The following IPO11 variants were observed in gnomAD, a reference collection of about 807,000 sequenced individuals.
IPO11 encodes the protein importin-11.
A neutral mutation model predicts 143.2 loss-of-function variants in IPO11; 66 were observed. The observed-to-expected ratio is 0.46, with a 90% confidence interval of 0.38 to 0.57. The LOEUF (loss-of-function observed/expected upper bound fraction) is 0.57, where lower values mean the gene tolerates loss of function less well. Ranked by LOEUF, IPO11 falls within the 20% of genes least tolerant of loss-of-function variation. The probability of loss-of-function intolerance (pLI) is 0.00; values close to 1 mark genes in which losing one functional copy is unlikely to be tolerated. For missense variants in IPO11, 1,026 were observed against 1,141.0 expected (o/e 0.90, Z 1.45); for synonymous variants, 385 against 377.8 (o/e 1.02, Z -0.22).
intron 3 of IPO11, among the ~76,000 whole-genome samples, chr5:62,448,052 CT>C (rs913730506): frequency 2.0e-5 from 3 of 151,930 alleles, no homozygotes; most frequent in Non-Finnish European, 4.4e-5. Context: ...TATTTGTCCC[CT>C]TTTTTTTCTT....
chr5:62,627,974 C>A lies in IPO11; in HGVS notation c.*656C>A, dbSNP rs996322851. On this transcript the variant is annotated 3_prime_UTR_variant, in exon 30 of 30. Transcript: ENST00000325324. Reference sequence around the variant, plus strand: ...TTTTTTTCCAGTAAATACATTGGGTCTATAAATGTGCATTTGTAAGGGCCA... The same window carrying A: ...TTTTTTTCCAGTAAATACATTGGGTATATAAATGTGCATTTGTAAGGGCCA... 1 of 151,398 alleles carries A rather than the reference C, an allele frequency of 6.6e-6. No individual in the cohort carries two copies. The highest frequency in any genetic ancestry group is 2.4e-5 in the African/African-American group (1 of 41,110). The allele number at this position is 151,398 out of a possible 1,614,324, so 9.4% of individuals were successfully genotyped here. A position where few individuals can be genotyped will look rare whatever the true frequency, so the allele number is the denominator to read the frequency against.
At chr5:62,547,880 T>A (rs979358492) in intron 24 of IPO11, among the ~76,000 whole-genome samples, 9 of 152,162 alleles carry the variant, frequency 5.9e-5, no homozygotes, top group Middle Eastern at 3.4e-3. Context: ...TAGTTTAGAG[T>A]CAACTAGATA....
At chr5:62,499,323 G>A (rs1353348015) in intron 16 of IPO11, among the ~76,000 whole-genome samples, 2 of 152,152 alleles carry the variant, frequency 1.3e-5, no homozygotes, top group African/African-American at 4.8e-5. Flanking sequence ...AACAGAAAAG[G>A]TACAGTAAGA....
At chr5:62,513,867 T>A (rs2112281422) in intron 19 of IPO11, among the ~76,000 whole-genome samples, 1 of 146,408 alleles carries the variant, frequency 6.8e-6, no homozygotes, top group Middle Eastern at 3.7e-3. Flanking sequence ...GTCTCCTCAC[T>A]TCTCAGACGG....
At chr5:62,461,701 T>C (rs72769127) in intron 5 of IPO11, among the ~76,000 whole-genome samples, 4,083 of 152,372 alleles carry the variant, frequency 0.027, 78 homozygotes, top group Non-Finnish European at 0.041. Flanking sequence ...TCAAATGCTA[T>C]ATGCCTTCAT....
intron 28 of IPO11, chr5:62,601,378 T>A (rs1745500811): frequency 6.5e-6 from 1 of 154,232 alleles, no homozygotes; most frequent in African/African-American, 2.4e-5. Context: ...ATTGCATGTA[T>A]AAAATTCTGT....
At chr5:62,550,292 A>C (rs1277247180) in intron 24 of IPO11, 75 bp from the exon 25 acceptor site, 1 of 1,117,010 alleles carries the variant, frequency 9.0e-7, no homozygotes, top group Non-Finnish European at 1.3e-6. Context: ...ATTTTAGTAC[A>C]TTGTTTCCTT....
chr5:62,596,327 G>A lies in IPO11; in HGVS notation c.2678+4655G>A, dbSNP rs139618639. 6.3e-3 allele frequency among the ~76,000 whole-genome samples: 935 copies of A among 147,776 alleles called. 7 individuals are homozygous for A. Among genetic ancestry groups the A allele is most frequent in the Non-Finnish European group, 9.8e-3 (658 of 67,066 alleles). On this transcript the variant is annotated intron_variant, in intron 28 of 29. Coordinates refer to ENST00000325324, the MANE Select transcript of IPO11 (RefSeq NM_016338.5). ...AAGAAGCCTAGAGGCACTAAAATTT[G>A]ACTAGAAAATGACTCATAAATTGTT...
At chr5:62,538,906 G>A (rs1742829432) in intron 24 of IPO11, among the ~76,000 whole-genome samples, 1 of 152,228 alleles carries the variant, frequency 6.6e-6, no homozygotes, top group Non-Finnish European at 1.5e-5. Context: ...CTGCAGTGAA[G>A]TGAACAGGAG....
chr5:62,579,411 T>A, intron 27 of IPO11: 1 of 1,548,748 alleles, frequency 6.5e-7, no homozygotes, highest in Non-Finnish European at 8.7e-7. Context: ...CCAATTCTGA[T>A]CTGAACAGAA....
intron 24 of IPO11, among the ~76,000 whole-genome samples, chr5:62,538,230 A>G (rs1742805488): frequency 6.6e-6 from 1 of 152,172 alleles, no homozygotes; most frequent in Non-Finnish European, 1.5e-5. Flanking sequence ...TGCTTACAGA[A>G]GTGCACTTAG....
At chr5:62,431,897 T>C (rs247241) in intron 1 of IPO11, among the ~76,000 whole-genome samples, 88,197 of 151,694 alleles carry the variant, frequency 0.58, 26,107 homozygotes, top group African/African-American at 0.69. Flanking sequence ...GCTGAGATTG[T>C]ATCACTGCAC....
At chr5:62,548,274 C>CT (rs1743275808) in intron 24 of IPO11, among the ~76,000 whole-genome samples, 1 of 152,154 alleles carries the variant, frequency 6.6e-6, no homozygotes, top group Non-Finnish European at 1.5e-5. Flanking sequence ...GTTCACTAAA[C>CT]TGTCTGACAG....
chr5:62,578,443 A>G (rs913583751), intron 27 of IPO11, among the ~76,000 whole-genome samples: 1 of 152,052 alleles, frequency 6.6e-6, no homozygotes, highest in Non-Finnish European at 1.5e-5. Flanking sequence ...AAATTGTATT[A>G]CTCGATATAC....
chr5:62,443,424 TGTGTGC>T (rs1299181126), intron 3 of IPO11: 10 of 165,242 alleles, frequency 6.1e-5, no homozygotes, highest in South Asian at 1.9e-4. Flanking sequence ...TGTGTGTGCG[TGTGTGC>T]GTGTGCGTGT....
At chr5:62,481,292 CTA>C (rs763615426) in intron 9 of IPO11, among the ~76,000 whole-genome samples, 3 of 152,132 alleles carry the variant, frequency 2.0e-5, no homozygotes, top group East Asian at 1.9e-4. Flanking sequence ...ACTTCCAACA[CTA>C]TGTTGAATAG....
chr5:62,579,483 GGTT>G, intron 27 of IPO11: 1 of 1,550,698 alleles, frequency 6.4e-7, no homozygotes, highest in African/African-American at 1.4e-5. Context: ...GACTGTTTCT[GGTT>G]GTTACCTGTT....
intron 29 of IPO11, among the ~76,000 whole-genome samples, chr5:62,625,469 A>G (rs1746532476): frequency 6.6e-6 from 1 of 152,228 alleles, no homozygotes; most frequent in Non-Finnish European, 1.5e-5. Flanking sequence ...CACTTCATTT[A>G]TCTGGTGTTA....
At chr5:62,462,089 A>T (rs903453512) in intron 5 of IPO11, among the ~76,000 whole-genome samples, 1 of 152,166 alleles carries the variant, frequency 6.6e-6, no homozygotes, top group Non-Finnish European at 1.5e-5. Context: ...ATTAATATCT[A>T]TAAATCTTAC....
Sources: gnomAD v4.1 joint callset for allele counts (sites outside exome capture counted in the v4.1 genomes callset) on GRCh38, gnomAD v4.1.1 for gene constraint, MANE v1.5 for transcripts, NCBI Gene and HGNC (gene_info 2026-07-23, HGNC 2026-07-21) for gene names.